The following MEIG1 variants were observed in gnomAD, a reference collection of about 807,000 sequenced individuals.
The protein encoded by MEIG1 is meiosis expressed gene 1 protein homolog.
A neutral mutation model predicts 11.3 loss-of-function variants in MEIG1; 12 were observed. The observed-to-expected ratio is 1.07, with a 90% CI of 0.68 to 1.73. The LOEUF is 1.73. Among genes scored for constraint, MEIG1 ranks in the 40% most tolerant of loss-of-function variants. MEIG1 has a pLI of 0.00. For missense variants in MEIG1, 119 were observed against 104.9 expected (o/e 1.13, Z -0.59); for synonymous variants, 41 against 33.2 (o/e 1.24, Z -0.81).
chr10:14,969,468 G>A (rs901724680), intron 2 of MEIG1, among the ~76,000 whole-genome samples: 1 of 151,288 alleles, frequency 6.6e-6, no homozygotes, highest in Admixed American at 6.6e-5. Flanking sequence ...AAAGAAAAAA[G>A]GAAAAAAGAA....
At chr10:14,987,238 G>A (rs753918957) in intron 2 of MEIG1, 5 of 946,130 alleles carry the variant, frequency 5.3e-6, no homozygotes, top group Non-Finnish European at 8.5e-6. Flanking sequence ...CCCAGCACAG[G>A]TTGGAGAGGA....
chr10:14,987,933 C>A (rs1843335014), exon 3 of MEIG1: 1 of 153,270 alleles, frequency 6.5e-6, no homozygotes, highest in Admixed American at 6.5e-5. Context: ...AAAACGAAAT[C>A]GAACCTTATA....
At chr10:14,982,378 C>T (rs1438174929) in intron 1 of MEIG1, among the ~76,000 whole-genome samples, 24 of 152,118 alleles carry the variant, frequency 1.6e-4, no homozygotes. Context: ...GTGCATGTTC[C>T]TCTAGCCACT....
At chr10:14,958,062 G>C (rs1337330076), upstream of MEIG1, among the ~76,000 whole-genome samples, 3 of 152,318 alleles carry the variant, frequency 2.0e-5, no homozygotes, top group South Asian at 6.2e-4. Flanking sequence ...AATTATGATG[G>C]CTTGAGTAGA....
At chr10:14,976,886 A>T (rs968973764), downstream of MEIG1, among the ~76,000 whole-genome samples, 34 of 152,202 alleles carry the variant, frequency 2.2e-4, no homozygotes, top group Admixed American at 1.2e-3. Context: ...TACTCATTTC[A>T]CAATGCGTGT....
chr10:14,968,302 A>C (rs1843111204), intron 2 of MEIG1, among the ~76,000 whole-genome samples: 2 of 152,088 alleles, frequency 1.3e-5, no homozygotes. Context: ...AGCCTAGCCA[A>C]CATGGTGAAA....
At chr10:14,962,762 A>AT (rs200912748) in intron 1 of MEIG1, among the ~76,000 whole-genome samples, 118 of 146,338 alleles carry the variant, frequency 8.1e-4, no homozygotes, top group East Asian at 2.6e-3. Flanking sequence ...CTAATTTGGA[A>AT]TTTTTTTTTT....
At chr10:14,956,725 T>C (rs1842957339), upstream of MEIG1, among the ~76,000 whole-genome samples, 1 of 152,198 alleles carries the variant, frequency 6.6e-6, no homozygotes, top group Admixed American at 6.5e-5. Context: ...CTACTGTGTA[T>C]CAGACACTAT....
chr10:14,986,143 T>C (rs1046107556), intron 1 of MEIG1, among the ~76,000 whole-genome samples: 7 of 152,170 alleles, frequency 4.6e-5, no homozygotes, highest in African/African-American at 1.4e-4. Context: ...TCTTATTTCA[T>C]CTTGCAGCAT....
chr10:14,983,523 C>T (rs1416787443), intron 1 of MEIG1, among the ~76,000 whole-genome samples: 1 of 151,852 alleles, frequency 6.6e-6, no homozygotes, highest in Non-Finnish European at 1.5e-5. Context: ...GATATGACTC[C>T]CAATATCGCA....
chr10:14,963,295 A>G (rs915951182), intron 1 of MEIG1, among the ~76,000 whole-genome samples: 1 of 150,440 alleles, frequency 6.6e-6, no homozygotes, highest in Non-Finnish European at 1.5e-5. Context: ...GGGTTTCTCC[A>G]TGTTGGTCAG....
chr10:14,972,216 T>C (rs1303180414), intron 2 of MEIG1, among the ~76,000 whole-genome samples: 1 of 152,170 alleles, frequency 6.6e-6, no homozygotes, highest in Non-Finnish European at 1.5e-5. Context: ...TGTTTCACCA[T>C]GTTGGCCAGG....
At chr10:14,954,451 C>T (rs760588024), upstream of MEIG1, 1 of 296,600 alleles carries the variant, frequency 3.4e-6, no homozygotes, top group Non-Finnish European at 6.7e-6. Context: ...TTGTCTGCTG[C>T]TAGCCTGAAA....
At chr10:14,975,419 C>G (rs1052468324), downstream of MEIG1, among the ~76,000 whole-genome samples, 1 of 152,002 alleles carries the variant, frequency 6.6e-6, no homozygotes, top group Non-Finnish European at 1.5e-5. Context: ...AGGGGGTCTA[C>G]ATCCAGTCTA....
rs552303810 is a variant in MEIG1, at chr10:14,987,033, T to G, written n.285+19T>G. ...CACAGAGGTGAGGATTCATGATGAC[T>G]GGGTAGTGCAGAGGGAGACAGATGG... On this transcript the variant is annotated intron_variant and non_coding_transcript_variant, in intron 2 of 2. Transcript: ENST00000467536. The G allele has an allele frequency of 6.5e-6, 4 of 611,326 alleles. No homozygotes were observed. In the African/African-American group the frequency reaches 7.5e-5, roughly 11 times the overall value. 37.9% of individuals were successfully genotyped at this position (611,326 alleles called of 1,614,324 possible).
intron 1 of MEIG1, among the ~76,000 whole-genome samples, chr10:14,985,604 C>CGT (rs1164566580): frequency 2.6e-5 from 4 of 151,888 alleles, no homozygotes; most frequent in Non-Finnish European, 5.9e-5. Flanking sequence ...CGGTGTACAT[C>CGT]GTGTGTGTAC....
At chr10:14,987,675 A>C (rs1843332723) in intron 2 of MEIG1, 1 of 348,638 alleles carries the variant, frequency 2.9e-6, no homozygotes, top group Admixed American at 4.5e-5. Context: ...AATCCACTGA[A>C]GAATATCAGA....
At chr10:14,960,512 G>A (rs1843000130) in intron 1 of MEIG1, among the ~76,000 whole-genome samples, 2 of 151,934 alleles carry the variant, frequency 1.3e-5, no homozygotes, top group Non-Finnish European at 2.9e-5. Context: ...TCCGCCTCCC[G>A]GGTTCACGCC....
chr10:14,987,207 C>A (rs1027983557), intron 2 of MEIG1: 162 of 961,106 alleles, frequency 1.7e-4, no homozygotes, highest in Admixed American at 2.1e-4. Context: ...GGAACCGTGG[C>A]CGAAGTGAAC....
Sources: allele counts gnomAD v4.1 joint callset (sites outside exome capture counted in the v4.1 genomes callset), GRCh38; gene constraint gnomAD v4.1.1; transcripts MANE v1.5; gene names NCBI Gene and HGNC (gene_info 2026-07-23, HGNC 2026-07-21).